RNF180: variants seen among roughly 807,000 people sequenced by gnomAD.
RNF180 encodes E3 ubiquitin-protein ligase RNF180.
A neutral mutation model predicts 59.2 loss-of-function variants in RNF180; 38 were observed. The ratio of observed to expected loss-of-function variants is 0.64; its 90% CI spans 0.50 to 0.84. The LOEUF (loss-of-function observed/expected upper bound fraction) is 0.84. RNF180 is among the 40% of genes least tolerant of loss of function. The pLI is 0.00. For synonymous variants in RNF180, 262 were observed against 240.3 expected (o/e 1.09, Z -0.84); for missense variants, 705 against 700.9 (o/e 1.01, Z -0.07).
chr5:64,322,602 C>CGTGTGTGTGTGTGTGTGTGTGTGTGTGT (rs76117470), intron 5 of RNF180, among the ~76,000 whole-genome samples: 1 of 143,428 alleles, frequency 7.0e-6, no homozygotes, highest in African/African-American at 2.6e-5. Context: ...TATATATATA[C>CGTGTGTGTGTGTGTGTGTGTGTGTGTGT]GTGTGTGTGT....
chr5:64,308,759 A>G (rs1410693336), intron 5 of RNF180, among the ~76,000 whole-genome samples: 2 of 151,800 alleles, frequency 1.3e-5, no homozygotes, highest in Admixed American at 1.3e-4. Context: ...ATATGCAACA[A>G]CCTTTTACTA....
intron 4 of RNF180, 46 bp downstream of exon 4, chr5:64,214,563 C>G (rs1752515575): frequency 6.5e-7 from 1 of 1,540,954 alleles, no homozygotes; most frequent in African/African-American, 1.4e-5. Flanking sequence ...ATTATAAATA[C>G]TGGAGTTTGG....
intron 5 of RNF180, among the ~76,000 whole-genome samples, chr5:64,247,556 T>C (rs1256008587): frequency 5.3e-5 from 8 of 152,138 alleles, no homozygotes; most frequent in Non-Finnish European, 1.5e-5. Context: ...TTACAAGGGA[T>C]GTGAAGGACC....
At chr5:64,341,471 AT>A (rs1745352604) in intron 7 of RNF180, among the ~76,000 whole-genome samples, 1 of 152,176 alleles carries the variant, frequency 6.6e-6, no homozygotes, top group African/African-American at 2.4e-5. Context: ...GATTTCAGAA[AT>A]GTTCAAGTGT....
chr5:64,216,539 T>A (rs1752639561), intron 4 of RNF180, among the ~76,000 whole-genome samples: 1 of 152,240 alleles, frequency 6.6e-6, no homozygotes, highest in Non-Finnish European at 1.5e-5. Context: ...AATAATTGGT[T>A]GATATATCTG....
At chr5:64,335,485 T>C (rs1381052845) in intron 7 of RNF180, among the ~76,000 whole-genome samples, 1 of 151,640 alleles carries the variant, frequency 6.6e-6, no homozygotes, top group Non-Finnish European at 1.5e-5. Flanking sequence ...CTTTCTTTGT[T>C]GTAGGTAGAG....
rs776472209 is a variant in RNF180 at position 64,214,139 on chromosome 5, A to C, written c.813A>C (p.Leu271Phe). Residue 271 changes from leucine (L) to phenylalanine (F), a missense_variant, in exon 4 of 8, where the codon TTA becomes TTC. Coordinates refer to ENST00000389100, the MANE Select transcript of RNF180 (RefSeq NM_001113561.2). ...CTATTGACCTTTCAGGCTTGCCTTT[A>C]CAATCTAGTAAAAATAGCTATTCCT... The part of the protein sequence containing the change: ...TQPIDLSGLP[L>F]QSSKNSYSFQ... 4 of 1,614,154 alleles carry C rather than the reference A, an allele frequency of 2.5e-6. No homozygotes were observed. Among genetic ancestry groups the C allele is most frequent in the Non-Finnish European group, 2.5e-6 (3 of 1,180,020 alleles).
intron 7 of RNF180, among the ~76,000 whole-genome samples, chr5:64,344,533 AAAC>A: frequency 6.6e-6 from 1 of 151,928 alleles, no homozygotes; most frequent in South Asian, 2.1e-4. Flanking sequence ...CTAGAAAAAA[AAAC>A]ACACACAATG....
chr5:64,338,180 GT>G (rs201279003), intron 7 of RNF180, among the ~76,000 whole-genome samples: 2 of 152,090 alleles, frequency 1.3e-5, no homozygotes, highest in African/African-American at 2.4e-5. Flanking sequence ...TATTTATAAG[GT>G]TTTTGTGGCT....
intron 6 of RNF180, among the ~76,000 whole-genome samples, chr5:64,327,372 C>T (rs1378591942): frequency 6.6e-6 from 1 of 151,908 alleles, no homozygotes; most frequent in African/African-American, 2.4e-5. Flanking sequence ...GTACATACAT[C>T]ATTAGGTCAT....
intron 3 of RNF180, 138 bp downstream of exon 3, chr5:64,212,298 A>C: frequency 1.6e-6 from 1 of 612,004 alleles, no homozygotes; most frequent in Admixed American, 2.8e-5. Flanking sequence ...CTCTCTTCAC[A>C]CTTCTTTTCT....
chr5:64,367,039 T>G (rs1033163002), intron 7 of RNF180, among the ~76,000 whole-genome samples: 2 of 151,506 alleles, frequency 1.3e-5, no homozygotes, highest in African/African-American at 4.8e-5. Flanking sequence ...AGTAGAAACC[T>G]TACAGGCCAG....
intron 5 of RNF180, among the ~76,000 whole-genome samples, chr5:64,268,070 G>A (rs1455127106): frequency 6.6e-6 from 1 of 152,134 alleles, no homozygotes; most frequent in Non-Finnish European, 1.5e-5. Flanking sequence ...TTGATTTCTT[G>A]AAACATGATT....
At chr5:64,191,559 CTA>C (rs776902536) in intron 1 of RNF180, among the ~76,000 whole-genome samples, 2 of 152,166 alleles carry the variant, frequency 1.3e-5, no homozygotes, top group African/African-American at 2.4e-5. Flanking sequence ...AAAATATAGA[CTA>C]TTTCACAAAG....
At chr5:64,352,815 GA>G in intron 7 of RNF180, among the ~76,000 whole-genome samples, 1 of 152,060 alleles carries the variant, frequency 6.6e-6, no homozygotes, top group East Asian at 1.9e-4. Context: ...TGAAATACCT[GA>G]AATTCACAGT....
rs113503981 is a variant in RNF180 at position 64,310,118 on chromosome 5, A to G, written c.1228-15068A>G. On this transcript the variant is annotated intron_variant, in intron 5 of 7. Transcript: ENST00000389100. ...ACTTACAAGAAAACCACTAGTCGGT[A>G]TCATTCATGAAGATAGATGTAAAAA... Among the ~76,000 whole-genome samples, 4 of 151,950 alleles carry G rather than the reference A, an allele frequency of 2.6e-5. 1 individual carries two copies. The highest frequency in any genetic ancestry group is 9.6e-5 in the African/African-American group (4 of 41,528).
intron 5 of RNF180, among the ~76,000 whole-genome samples, chr5:64,301,723 G>GTA (rs1554041252): frequency 6.7e-6 from 1 of 150,358 alleles, no homozygotes; most frequent in Non-Finnish European, 1.5e-5. Flanking sequence ...GTGTGTGTGT[G>GTA]TATAGTTTTC....
chr5:64,277,581 A>G (rs1295987737), intron 5 of RNF180, among the ~76,000 whole-genome samples: 4 of 152,122 alleles, frequency 2.6e-5, no homozygotes, highest in African/African-American at 7.2e-5. Flanking sequence ...GTAAATAACA[A>G]AAACAGGATT....
At chr5:64,246,242 A>G (rs920514427) in intron 5 of RNF180, among the ~76,000 whole-genome samples, 3 of 152,212 alleles carry the variant, frequency 2.0e-5, no homozygotes, top group African/African-American at 7.2e-5. Context: ...AAAAGCTAGC[A>G]GAAGACGAGT....
Sources: allele counts gnomAD v4.1 joint callset (sites outside exome capture counted in the v4.1 genomes callset), GRCh38; gene constraint gnomAD v4.1.1; transcripts MANE v1.5; gene names NCBI Gene and HGNC (gene_info 2026-07-23, HGNC 2026-07-21).